EYS: variants seen among roughly 807,000 people sequenced by gnomAD.
EYS encodes the protein EGF-like photoreceptor maintenance factor.
In EYS, 250 loss-of-function variants were observed where a neutral mutation model predicts 282.1. That is an observed-to-expected ratio of 0.89 (90% CI 0.80 to 0.98). The LOEUF is 0.98. Among genes scored for constraint, EYS ranks in the 50% least tolerant of loss-of-function variants. The probability of loss-of-function intolerance (pLI) is 0.00; values close to 1 mark genes in which losing one functional copy is unlikely to be tolerated. For synonymous variants in EYS, 1,355 were observed against 1,282.9 expected, an observed-to-expected ratio of 1.06 and a Z score of -1.20; for missense variants, 4,016 against 3,709.0, an observed-to-expected ratio of 1.08 and a Z score of -2.15.
rs986583864 is a variant in EYS at position 64,180,025 on chromosome 6, A to G, written c.6424+50567T>C. Among the ~76,000 whole-genome samples, 5 of 152,266 alleles carry G rather than the reference A, an allele frequency of 3.3e-5. No individual in the cohort carries two copies. In the South Asian group the frequency reaches 8.3e-4, roughly 25 times the overall value. On this transcript the variant is annotated intron_variant, in intron 31 of 42. Transcript: ENST00000503581. ...GGTTTGAGATAAAACAAAATGAATGAATAAAAGTATTGGATAAAGTACTGG... is the reference window on the plus strand; with the variant it reads ...GGTTTGAGATAAAACAAAATGAATGGATAAAAGTATTGGATAAAGTACTGG...
At chr6:65,274,909 G>GGA (rs3042964) in intron 12 of EYS, among the ~76,000 whole-genome samples, 25,714 of 148,388 alleles carry the variant, frequency 0.17, 2,415 homozygotes, top group Non-Finnish European at 0.21. Context: ...CAAAAAAAAA[G>GGA]GAGAGAGAGA....
intron 5 of EYS, among the ~76,000 whole-genome samples, chr6:65,462,653 G>A (rs1404416909): frequency 6.6e-6 from 1 of 151,822 alleles, no homozygotes; most frequent in Admixed American, 6.6e-5. Context: ...TATTTTCACT[G>A]TGTTTTGATG....
At chr6:65,262,334 T>C (rs114402078) in intron 12 of EYS, among the ~76,000 whole-genome samples, 4,087 of 152,212 alleles carry the variant, frequency 0.027, 170 homozygotes, top group African/African-American at 0.091. Context: ...AATGTGATGA[T>C]TGGAAGACAA....
chr6:65,567,278 CA>C (rs1764299514), intron 2 of EYS, among the ~76,000 whole-genome samples: 1 of 149,192 alleles, frequency 6.7e-6, no homozygotes, highest in South Asian at 2.1e-4. Context: ...TATATACACA[CA>C]CATATATAAT....
intron 19 of EYS, among the ~76,000 whole-genome samples, chr6:64,847,469 T>C (rs1371050477): frequency 6.6e-6 from 1 of 152,076 alleles, no homozygotes; most frequent in African/African-American, 2.4e-5. Context: ...TTATATCTCA[T>C]ATCCTCATCT....
intron 30 of EYS, among the ~76,000 whole-genome samples, chr6:64,288,834 A>G (rs1483127979): frequency 2.0e-5 from 3 of 152,054 alleles, no homozygotes; most frequent in South Asian, 2.1e-4. Flanking sequence ...TTCTTCCTCA[A>G]TCTGCTAGAA....
intron 28 of EYS, among the ~76,000 whole-genome samples, chr6:64,409,527 C>T (rs1582716895): frequency 1.3e-5 from 2 of 152,180 alleles, no homozygotes; most frequent in Admixed American, 1.3e-4. Flanking sequence ...GAAGTTTAAT[C>T]TAGCAAAATG....
intron 29 of EYS, among the ~76,000 whole-genome samples, chr6:64,344,252 C>CA (rs960561618): frequency 2.0e-5 from 3 of 151,518 alleles, no homozygotes; most frequent in African/African-American, 2.4e-5. Flanking sequence ...GAGACACAAC[C>CA]AAAAAAGAGG....
At chr6:65,001,451 G>T (rs1771464968) in intron 13 of EYS, among the ~76,000 whole-genome samples, 1 of 147,602 alleles carries the variant, frequency 6.8e-6, no homozygotes, top group Non-Finnish European at 1.5e-5. Flanking sequence ...TTTCTCTGCG[G>T]AAGAGTCCGT....
At chr6:64,249,463 AG>A (rs1322203504) in intron 30 of EYS, among the ~76,000 whole-genome samples, 2 of 152,188 alleles carry the variant, frequency 1.3e-5, no homozygotes, top group African/African-American at 4.8e-5. Context: ...ATATTCCAAA[AG>A]CCCTGACTTG....
intron 30 of EYS, among the ~76,000 whole-genome samples, chr6:64,280,771 G>A (rs1289019810): frequency 6.6e-6 from 1 of 152,014 alleles, no homozygotes; most frequent in Non-Finnish European, 1.5e-5. Flanking sequence ...AGCTCCAGGG[G>A]GCACTGCTGT....
At chr6:65,216,781 T>A (rs1766324951) in intron 12 of EYS, among the ~76,000 whole-genome samples, 2 of 151,952 alleles carry the variant, frequency 1.3e-5, no homozygotes, top group South Asian at 4.1e-4. Context: ...GCAAATATTT[T>A]ATAATATAAT....
intron 11 of EYS, among the ~76,000 whole-genome samples, chr6:65,316,502 T>C (rs1769298812): frequency 2.0e-5 from 3 of 150,484 alleles, no homozygotes; most frequent in Admixed American, 1.3e-4. Context: ...TTTTTATACT[T>C]TAAGTTCTGG....
At chr6:64,450,984 A>T (rs572425429) in intron 26 of EYS, among the ~76,000 whole-genome samples, 18 of 152,334 alleles carry the variant, frequency 1.2e-4, no homozygotes, top group African/African-American at 4.3e-4. Flanking sequence ...AAAAGCTAGC[A>T]GAAGGCAAGA....
At chr6:64,797,209 G>A (rs1019217830) in intron 22 of EYS, among the ~76,000 whole-genome samples, 1 of 152,026 alleles carries the variant, frequency 6.6e-6, no homozygotes, top group South Asian at 2.1e-4. Context: ...GGGATCAGAT[G>A]TGAGGAAAGA....
chr6:65,577,565 A>T (rs906697000), intron 2 of EYS, among the ~76,000 whole-genome samples: 2 of 151,900 alleles, frequency 1.3e-5, no homozygotes, highest in African/African-American at 4.8e-5. Flanking sequence ...CAAATCAAAA[A>T]TAGACAAAGT....
intron 29 of EYS, among the ~76,000 whole-genome samples, chr6:64,358,812 G>C (rs1285598862): frequency 6.6e-6 from 1 of 151,664 alleles, no homozygotes; most frequent in East Asian, 1.9e-4. Context: ...TAATAGGATA[G>C]ACAGCAGCAT....
chr6:64,920,513 A>T (rs968761968), intron 15 of EYS, among the ~76,000 whole-genome samples: 14 of 152,106 alleles, frequency 9.2e-5, no homozygotes, highest in African/African-American at 2.9e-4. Flanking sequence ...TTTTTTCCAA[A>T]AAGGATCTTT....
chr6:65,462,047 C>T (rs1009213326), intron 5 of EYS, among the ~76,000 whole-genome samples: 1 of 151,952 alleles, frequency 6.6e-6, no homozygotes, highest in Non-Finnish European at 1.5e-5. Flanking sequence ...GGAAATAACT[C>T]AAATGTCTTT....
Sources: allele counts gnomAD v4.1 joint callset (sites outside exome capture counted in the v4.1 genomes callset), GRCh38; gene constraint gnomAD v4.1.1; transcripts MANE v1.5; gene names NCBI Gene and HGNC (gene_info 2026-07-23, HGNC 2026-07-21).